The following CNTNAP2 variants were observed in gnomAD, a reference collection of about 807,000 sequenced individuals.
CNTNAP2 encodes the protein contactin-associated protein-like 2.
CNTNAP2 carries 98 observed loss-of-function variants against 155.2 expected under a neutral mutation model. The observed-to-expected ratio is 0.63, with a 90% CI of 0.54 to 0.75. The LOEUF is 0.75. Ranked by LOEUF, CNTNAP2 falls within the 30% of genes least tolerant of loss-of-function variation. The pLI is 0.00. For synonymous variants in CNTNAP2, 651 were observed against 631.2 expected, an observed-to-expected ratio of 1.03 and a Z score of -0.47; for missense variants, 1,727 against 1,688.1, an observed-to-expected ratio of 1.02 and a Z score of -0.40.
At chr7:147,950,196 T>C in intron 14 of CNTNAP2, among the ~76,000 whole-genome samples, 1 of 151,860 alleles carries the variant, frequency 6.6e-6, no homozygotes, top group Non-Finnish European at 1.5e-5. Context: ...TCACCTGGAA[T>C]TGACTTTGCA....
At chr7:146,778,921 A>C (rs1172886198) in intron 2 of CNTNAP2, among the ~76,000 whole-genome samples, 1 of 152,210 alleles carries the variant, frequency 6.6e-6, no homozygotes, top group African/African-American at 2.4e-5. Flanking sequence ...ACCTGATCTC[A>C]ACGGTTGCTA....
intron 6 of CNTNAP2, chr7:147,122,872 G>A (rs143106979): frequency 5.0e-4 from 76 of 152,082 alleles, no homozygotes; most frequent in African/African-American, 1.8e-3. Flanking sequence ...TGTGTGTTAT[G>A]TATATTTATG....
chr7:147,021,262 ATTC>A (rs72151477), intron 3 of CNTNAP2, among the ~76,000 whole-genome samples: 55,453 of 151,546 alleles, frequency 0.37, 10,295 homozygotes, highest in South Asian at 0.42. Context: ...GCCCAAGACA[ATTC>A]TTCTTTCAAT....
chr7:146,501,580 T>C (rs1319454138), intron 1 of CNTNAP2, among the ~76,000 whole-genome samples: 1 of 152,148 alleles, frequency 6.6e-6, no homozygotes, highest in Non-Finnish European at 1.5e-5. Flanking sequence ...AATATTGCTG[T>C]TAATTTCTCC....
intron 5 of CNTNAP2, among the ~76,000 whole-genome samples, chr7:147,110,364 CT>C (rs35428371): frequency 0.029 from 4,275 of 146,246 alleles, 188 homozygotes; most frequent in African/African-American, 0.098. Context: ...GTACCTTTTT[CT>C]TTTTTTTTTT....
intron 23 of CNTNAP2, among the ~76,000 whole-genome samples, chr7:148,413,401 A>AAAAAAAAAAAAAAAAAAAAAAAATAT (rs1442990213): frequency 2.2e-5 from 1 of 45,376 alleles, no homozygotes; most frequent in Admixed American, 1.8e-4. Context: ...TCAAAAAAAA[A>AAAAAAAAAAAAAAAAAAAAAAAATAT]ATATATATAT....
intron 8 of CNTNAP2, chr7:147,162,309 A>C (rs1444713585): frequency 6.6e-6 from 1 of 152,212 alleles, no homozygotes; most frequent in Non-Finnish European, 1.5e-5. Flanking sequence ...AGTAAAAGAA[A>C]AATAGCAATT....
intron 1 of CNTNAP2, among the ~76,000 whole-genome samples, chr7:146,268,826 G>C (rs190514927): frequency 4.7e-4 from 71 of 152,230 alleles, no homozygotes; most frequent in African/African-American, 1.7e-3. Flanking sequence ...TTATTTTATT[G>C]ATTGGTCAAA....
At chr7:147,774,702 G>A (rs1797531145) in intron 13 of CNTNAP2, among the ~76,000 whole-genome samples, 1 of 152,156 alleles carries the variant, frequency 6.6e-6, no homozygotes, top group South Asian at 2.1e-4. Flanking sequence ...GCCCTCACCA[G>A]GAACCAGATT....
chr7:147,730,128 A>T (rs1396164598), intron 13 of CNTNAP2, among the ~76,000 whole-genome samples: 1 of 152,112 alleles, frequency 6.6e-6, no homozygotes, highest in Non-Finnish European at 1.5e-5. Flanking sequence ...ATTTATCTTC[A>T]ATCTGTCCAC....
intron 1 of CNTNAP2, among the ~76,000 whole-genome samples, chr7:146,709,792 A>G (rs917349264): frequency 2.0e-5 from 3 of 152,094 alleles, no homozygotes; most frequent in African/African-American, 4.8e-5. Context: ...TGTGGGGTGT[A>G]TCTTGAGAGG....
At chr7:147,893,815 C>A (rs1057047511) in intron 13 of CNTNAP2, among the ~76,000 whole-genome samples, 8 of 152,168 alleles carry the variant, frequency 5.3e-5, no homozygotes, top group African/African-American at 1.7e-4. Context: ...TGATTCTGTG[C>A]GGATTTTCCA....
chr7:146,370,856 A>G (rs983463737), intron 1 of CNTNAP2, among the ~76,000 whole-genome samples: 1 of 152,136 alleles, frequency 6.6e-6, no homozygotes, highest in Non-Finnish European at 1.5e-5. Flanking sequence ...GCAAAAGCCC[A>G]TTTTTATATG....
chr7:146,490,920 T>C (rs749454532), intron 1 of CNTNAP2, among the ~76,000 whole-genome samples: 2 of 152,176 alleles, frequency 1.3e-5, no homozygotes, highest in East Asian at 3.9e-4. Context: ...GTGACTTTAC[T>C]GTCTAAAATC....
intron 1 of CNTNAP2, among the ~76,000 whole-genome samples, chr7:146,256,972 C>T (rs1045882221): frequency 5.9e-5 from 9 of 152,084 alleles, no homozygotes; most frequent in African/African-American, 2.2e-4. Context: ...GTTTAATAAC[C>T]GGAAAACAAT....
intron 13 of CNTNAP2, among the ~76,000 whole-genome samples, chr7:147,862,984 G>A (rs150772416): frequency 2.0e-5 from 3 of 151,952 alleles, no homozygotes; most frequent in East Asian, 3.9e-4. Context: ...ACAACGTGCA[G>A]GTTTGATACA....
intron 9 of CNTNAP2, among the ~76,000 whole-genome samples, chr7:147,380,542 T>C (rs1443386693): frequency 6.6e-6 from 1 of 151,956 alleles, no homozygotes; most frequent in East Asian, 1.9e-4. Context: ...GCTCCTATTT[T>C]AGGCCAAGCA....
intron 1 of CNTNAP2, among the ~76,000 whole-genome samples, chr7:146,617,306 C>T (rs376643670): frequency 6.6e-6 from 1 of 152,178 alleles, no homozygotes; most frequent in Non-Finnish European, 1.5e-5. Context: ...CATGAATAGA[C>T]TACAAAGATG....
At chr7:147,462,164 C>G (rs1798036550) in intron 10 of CNTNAP2, among the ~76,000 whole-genome samples, 2 of 152,106 alleles carry the variant, frequency 1.3e-5, no homozygotes, top group African/African-American at 4.8e-5. Context: ...AAAGAGATTC[C>G]AGAAGGACAA....
Sources: gnomAD v4.1 joint callset for allele counts (sites outside exome capture counted in the v4.1 genomes callset) on GRCh38, gnomAD v4.1.1 for gene constraint, MANE v1.5 for transcripts, NCBI Gene and HGNC (gene_info 2026-07-23, HGNC 2026-07-21) for gene names.